ARHGAP28: variants seen among roughly 807,000 people sequenced by gnomAD.
The protein encoded by ARHGAP28 is rho GTPase-activating protein 28.
Under a neutral mutation model 90.7 loss-of-function variants are expected in ARHGAP28, and 56 were observed. The ratio of observed to expected loss-of-function variants is 0.62; its 90% CI spans 0.50 to 0.77. The LOEUF is 0.77. ARHGAP28 is among the 30% of genes least tolerant of loss of function. The pLI, the probability that ARHGAP28 is intolerant of heterozygous loss-of-function variation, is 0.00. For missense variants in ARHGAP28, 869 were observed against 900.9 expected (o/e 0.96, Z 0.45); for synonymous variants, 308 against 323.3 (o/e 0.95, Z 0.51).
chr18:6,851,252 C>A (rs903427072), intron 4 of ARHGAP28, 126 bp downstream of exon 4: 4 of 781,512 alleles, frequency 5.1e-6, no homozygotes, highest in Non-Finnish European at 6.2e-6. Flanking sequence ...TTTCAACACA[C>A]TTATCTACCT....
chr18:6,887,777 A>G (rs2143698622), intron 12 of ARHGAP28, among the ~76,000 whole-genome samples: 1 of 152,340 alleles, frequency 6.6e-6, no homozygotes, highest in East Asian at 1.9e-4. Context: ...AGAGATGTTG[A>G]CTGTCTATCC....
In ARHGAP28 at chr18:6,870,689, A is replaced by C; in HGVS notation, c.911A>C (p.Lys304Thr). Residue 304 changes from lysine (K) to threonine (T), a missense_variant, in exon 7 of 18, where the codon AAA (lysine) becomes ACA (threonine). By Grantham distance (78) the Lys-to-Thr change is moderately conservative. Coordinates refer to ENST00000383472, the MANE Select transcript of ARHGAP28 (RefSeq NM_001366230.1). ...EMVTEALKRN[K>T]LKKSEIKKED... ...GTTACGGAGGCTCTAAAAAGAAATA[A>C]ACTTAAGAAATCAGAGATTAAGAAA... 1.2e-6 allele frequency: 2 copies of C among 1,611,626 alleles called. No individual in the cohort carries two copies. Among genetic ancestry groups the C allele is most frequent in the Non-Finnish European group, 1.7e-6 (2 of 1,178,978 alleles).
chr18:6,873,899 C>G (rs1043071397), intron 9 of ARHGAP28, 124 bp downstream of exon 9: 6 of 830,802 alleles, frequency 7.2e-6, no homozygotes, highest in African/African-American at 3.5e-5. Context: ...AGGACTCAGG[C>G]CCCTGGTGAT....
rs781735317 is a variant in ARHGAP28, at chr18:6,859,894, T to C, written c.723T>C (p.Ser241=). Residue 241 remains serine (S), a synonymous_variant, in exon 5 of 18, where the codon TCT becomes TCC. Transcript: ENST00000383472. ...GTTTTGCGGTTCCCAGGAGTGACTC[T>C]GTGGTAAGTCATCCATGTCAGCACA... The part of the protein sequence containing the change: ...EGSFAVPRSD[S]VAILETIPVL... The C allele has an allele frequency of 6.2e-6, 10 of 1,613,902 alleles. No homozygotes were observed. In the South Asian group the frequency reaches 9.9e-5, roughly 16 times the overall value.
intron 16 of ARHGAP28, among the ~76,000 whole-genome samples, chr18:6,900,108 C>T (rs1489806938): frequency 6.6e-6 from 1 of 152,112 alleles, no homozygotes; most frequent in Non-Finnish European, 1.5e-5. Context: ...GAGGCAGAGC[C>T]AGTTGGTGTC....
chr18:6,757,851 AG>A (rs1460715275), intron 1 of ARHGAP28, among the ~76,000 whole-genome samples: 1 of 152,114 alleles, frequency 6.6e-6, no homozygotes, highest in Non-Finnish European at 1.5e-5. Flanking sequence ...TAGTTGTTCA[AG>A]GCACACAAGC....
At chr18:6,843,806 T>A (rs139923312) in intron 3 of ARHGAP28, among the ~76,000 whole-genome samples, 1 of 152,350 alleles carries the variant, frequency 6.6e-6, no homozygotes, top group African/African-American at 2.4e-5. Context: ...AGGTGAAGAA[T>A]GACAATTTCT....
At chr18:6,815,694 C>CAT (rs746594416) in intron 1 of ARHGAP28, among the ~76,000 whole-genome samples, 68 of 152,256 alleles carry the variant, frequency 4.5e-4, no homozygotes, top group Middle Eastern at 3.4e-3. Flanking sequence ...TACACACACA[C>CAT]ATATATAATT....
At chr18:6,758,513 G>A (rs1279057556) in intron 1 of ARHGAP28, among the ~76,000 whole-genome samples, 1 of 152,156 alleles carries the variant, frequency 6.6e-6, no homozygotes, top group Non-Finnish European at 1.5e-5. Context: ...TAGCAGAGAT[G>A]GGGTGTCTCC....
intron 1 of ARHGAP28, among the ~76,000 whole-genome samples, chr18:6,743,043 T>G (rs2055992795): frequency 6.6e-6 from 1 of 151,840 alleles, no homozygotes; most frequent in Non-Finnish European, 1.5e-5. Context: ...GGTTGAAGAG[T>G]GATGATGAGA....
Position 6,847,283 on chromosome 18 carries a change from CT to C in ARHGAP28, c.544-3750del, listed in dbSNP as rs1337983951. 1.3e-3 allele frequency among the ~76,000 whole-genome samples: 194 copies of C among 152,210 alleles called. 2 individuals carry two copies. Among genetic ancestry groups the C allele is most frequent in the African/African-American group, 4.4e-3 (184 of 41,538 alleles). On this transcript the variant is annotated intron_variant, in intron 3 of 17. Coordinates refer to ENST00000383472, the MANE Select transcript of ARHGAP28 (RefSeq NM_001366230.1). Reference sequence around the variant, plus strand: ...TCACACCATACGCACACCCCCACCCCTAACAAGGGACTCTCATTATTCTGGG... The same window carrying C: ...TCACACCATACGCACACCCCCACCCCAACAAGGGACTCTCATTATTCTGGG...
chr18:6,874,302 C>G (rs1258666487), intron 9 of ARHGAP28, among the ~76,000 whole-genome samples: 2 of 152,122 alleles, frequency 1.3e-5, no homozygotes, highest in East Asian at 3.9e-4. Flanking sequence ...CAGTCATTTT[C>G]CGGTGTGTCT....
rs181687017 is a variant in ARHGAP28, at chr18:6,738,467, A to G, written c.122+8524A>G. 2.0e-5 allele frequency among the ~76,000 whole-genome samples: 3 copies of G among 152,328 alleles called. No individual in the cohort carries two copies. The East Asian group carries it at 5.8e-4, about 29-fold the overall frequency. On this transcript the variant is annotated intron_variant, in intron 1 of 17. Transcript: ENST00000383472. ...TATTCATTTATGAAAATCAATTTAG[A>G]AAACACTGATCAATGCATTTGCCTT...
chr18:6,877,084 A>G (rs778209112), intron 10 of ARHGAP28, among the ~76,000 whole-genome samples: 30 of 148,664 alleles, frequency 2.0e-4, no homozygotes, highest in Non-Finnish European at 4.3e-4. Context: ...AATGTTTATC[A>G]AAAAGACATT....
intron 4 of ARHGAP28, among the ~76,000 whole-genome samples, chr18:6,852,290 A>G (rs1054260985): frequency 3.3e-5 from 5 of 152,208 alleles, no homozygotes; most frequent in Non-Finnish European, 7.3e-5. Context: ...ATCAATTCCT[A>G]TATAGATAAA....
chr18:6,848,101 A>T (rs1456415146), intron 3 of ARHGAP28, among the ~76,000 whole-genome samples: 1 of 152,156 alleles, frequency 6.6e-6, no homozygotes, highest in Non-Finnish European at 1.5e-5. Flanking sequence ...GGTGTTCAGT[A>T]TAAGTCATAT....
At chr18:6,788,714 C>G (rs985742563) in intron 1 of ARHGAP28, 3 of 152,308 alleles carry the variant, frequency 2.0e-5, no homozygotes, top group African/African-American at 7.2e-5. Flanking sequence ...ATCCACCTGC[C>G]TCGGCCTCAC....
At chr18:6,860,355 A>C (rs1458138163) in intron 5 of ARHGAP28, among the ~76,000 whole-genome samples, 3 of 152,228 alleles carry the variant, frequency 2.0e-5, no homozygotes, top group Non-Finnish European at 4.4e-5. Flanking sequence ...CTTTACCTTC[A>C]GATGAATTCA....
At chr18:6,828,079 G>A (rs2056686953) in intron 2 of ARHGAP28, among the ~76,000 whole-genome samples, 4 of 152,256 alleles carry the variant, frequency 2.6e-5, no homozygotes, top group South Asian at 4.1e-4. Context: ...CTGAGTTAAC[G>A]AGACTCCGTC....
Sources: allele counts gnomAD v4.1 joint callset (sites outside exome capture counted in the v4.1 genomes callset), GRCh38; gene constraint gnomAD v4.1.1; transcripts MANE v1.5; gene names NCBI Gene and HGNC (gene_info 2026-07-23, HGNC 2026-07-21).